Variants in AMZ1 observed in about 807,000 individuals in gnomAD.
AMZ1 encodes archaelysin family metallopeptidase 1, also known as archaemetzincin-1.
AMZ1 carries 39 observed loss-of-function variants against 29.9 expected under a neutral mutation model. The observed-to-expected ratio is 1.30, with a 90% confidence interval of 1.01 to 1.70. The LOEUF (loss-of-function observed/expected upper bound fraction) is 1.70, where lower values mean the gene tolerates loss of function less well. Among genes scored for constraint, AMZ1 ranks in the 40% most tolerant of loss-of-function variants. The pLI is 0.00. For synonymous variants in AMZ1, 458 were observed against 304.0 expected (o/e 1.51, Z -5.27); for missense variants, 1,041 against 680.6 (o/e 1.53, Z -5.89).
intron 5 of AMZ1, among the ~76,000 whole-genome samples, 186 bp from the exon 6 acceptor site, chr7:2,709,454 C>T (rs1247672872): frequency 1.8e-5 from 2 of 111,092 alleles, no homozygotes; most frequent in Non-Finnish European, 2.1e-5. Context: ...CCCACCCTGA[C>T]TCACCTTTCC....
At position 2,708,501 on chromosome 7, in the gene AMZ1, A is replaced by G. The variant is rs185659869; in HGVS notation, c.473-87A>G. The G allele has an allele frequency of 5.1e-5, 81 of 1,573,738 alleles. No homozygotes were observed. The African/African-American group carries it at 1.0e-3, about 20-fold the overall frequency. On this transcript the variant is annotated intron_variant, in intron 3 of 6. Transcript: ENST00000683327. ...GGAAGGGGCAGGGCCCAGGCAGAGG[A>G]AGAGGATGACGGGGTGCCAGCCTGA...
chr7:2,743,387 G>A (rs1399743694), intron 4 of AMZ1, among the ~76,000 whole-genome samples: 1 of 152,104 alleles, frequency 6.6e-6, no homozygotes, highest in Non-Finnish European at 1.5e-5. Flanking sequence ...TCAAAATATG[G>A]AAGATATTCA....
At chr7:2,679,616 T>C (rs1417238981) in exon 1 of AMZ1, 1 of 152,348 alleles carries the variant, frequency 6.6e-6, no homozygotes, top group South Asian at 2.1e-4. Context: ...CCGGCAGAGG[T>C]GGCCACTGCC....
chr7:2,721,233 G>T (rs894716303), downstream of AMZ1, among the ~76,000 whole-genome samples: 17 of 152,340 alleles, frequency 1.1e-4, no homozygotes, highest in African/African-American at 4.1e-4. Flanking sequence ...TGGAAGCACA[G>T]GGACTAAGGC....
At position 2,717,655 on chromosome 7, in the gene AMZ1, T is replaced by C. The variant is rs975915023; in HGVS notation, c.*4777T>C. 2.6e-5 allele frequency among the ~76,000 whole-genome samples: 4 copies of C among 152,206 alleles called. No homozygotes were observed. Among genetic ancestry groups the C allele is most frequent in the Non-Finnish European group, 5.9e-5 (4 of 68,036 alleles). On this transcript the variant is annotated 3_prime_UTR_variant, in exon 7 of 7. Coordinates refer to ENST00000683327, the MANE Select transcript of AMZ1 (RefSeq NM_001384743.1). ...GGGTAATCTAGGAAACACTTCCGGC[T>C]TGACTGTAAAGAGCCCTGGCCTGCG...
intron 2 of AMZ1, among the ~76,000 whole-genome samples, 154 bp downstream of exon 2, chr7:2,700,909 T>G (rs962426658): frequency 6.6e-6 from 1 of 152,186 alleles, no homozygotes; most frequent in Non-Finnish European, 1.5e-5. Flanking sequence ...AGGGAGGTCC[T>G]GGCTGGGCCA....
At chr7:2,734,652 G>C (rs759871817) in intron 4 of AMZ1, among the ~76,000 whole-genome samples, 1 of 152,228 alleles carries the variant, frequency 6.6e-6, no homozygotes, top group Non-Finnish European at 1.5e-5. Context: ...AAGCAGAGAG[G>C]AAGCTCCTTC....
At chr7:2,719,683 A>AT (rs11426798), downstream of AMZ1, among the ~76,000 whole-genome samples, 68,595 of 147,256 alleles carry the variant, frequency 0.47, 16,315 homozygotes, top group African/African-American at 0.58. Context: ...ATCAACCCCA[A>AT]TTTTTTTTTT....
At chr7:2,730,856 CTCAA>C (rs1324232977) in intron 4 of AMZ1, 1 of 267,706 alleles carries the variant, frequency 3.7e-6, no homozygotes, top group African/African-American at 3.2e-5. Context: ...CAACACGGTC[CTCAA>C]TTAAACTGCG....
At position 2,719,040 on chromosome 7, in the gene AMZ1, T is replaced by C. The variant is rs1290185992; in HGVS notation, c.*6162T>C. 1.4e-5 allele frequency among the ~76,000 whole-genome samples: 2 copies of C among 141,572 alleles called. No homozygotes were observed. Among genetic ancestry groups the C allele is most frequent in the East Asian group, 4.1e-4 (2 of 4,850 alleles). 92.9% of individuals were successfully genotyped at this position (141,572 alleles called of 152,430 possible). On this transcript the variant is annotated 3_prime_UTR_variant, in exon 7 of 7. Transcript: ENST00000683327. ...TTTTTTTTTTCCCCCCCATCTGAAG[T>C]GAGATCAAACTTCTACCACATTCTA... is the stretch of plus-strand genomic sequence containing the variant.
At chr7:2,743,158 G>A (rs1790595097) in intron 4 of AMZ1, among the ~76,000 whole-genome samples, 1 of 152,180 alleles carries the variant, frequency 6.6e-6, no homozygotes. Flanking sequence ...CTTTGCCTAA[G>A]AGCCTGGCTG....
In AMZ1 at chr7:2,731,467, A is replaced by T. The variant is rs191664263; in HGVS notation, n.550+21651A>T. The T allele has an allele frequency of 6.2e-7, 1 of 1,613,878 alleles. No individual in the cohort carries two copies. Among genetic ancestry groups the T allele is most frequent in the Admixed American group, 1.7e-5 (1 of 60,008 alleles). On this transcript the variant is annotated intron_variant and non_coding_transcript_variant, in intron 4 of 4. Coordinates refer to the AMZ1 transcript ENST00000489665. This position sits in a 1 kb window ranked among gnomAD's most constrained non-coding sequence, Gnocchi z 6.0. Reference sequence around the variant, plus strand: ...GAGGAAGAGAATGATGGAGACGTTGAAGAAGAGCTTGTTGTTGACGATGGT... The same window carrying T: ...GAGGAAGAGAATGATGGAGACGTTGTAGAAGAGCTTGTTGTTGACGATGGT...
intron 1 of AMZ1, among the ~76,000 whole-genome samples, chr7:2,694,329 C>G (rs1016346271): frequency 6.6e-5 from 10 of 152,204 alleles, no homozygotes; most frequent in African/African-American, 2.4e-4. Flanking sequence ...ATCGGCTGCC[C>G]TGGTTCTCAG....
At chr7:2,748,644 G>A (rs1790880956) in intron 4 of AMZ1, among the ~76,000 whole-genome samples, 1 of 152,142 alleles carries the variant, frequency 6.6e-6, no homozygotes, top group Non-Finnish European at 1.5e-5. Context: ...GGCAACAAAA[G>A]CCAAAATTGA....
At chr7:2,749,945 A>C (rs1790948359) in intron 4 of AMZ1, among the ~76,000 whole-genome samples, 1 of 152,210 alleles carries the variant, frequency 6.6e-6, no homozygotes, top group Non-Finnish European at 1.5e-5. Context: ...AGTAGTTGGA[A>C]TCTCACAGAA....
At chr7:2,694,949 A>G (rs1249825132) in intron 1 of AMZ1, among the ~76,000 whole-genome samples, 2 of 152,196 alleles carry the variant, frequency 1.3e-5, no homozygotes, top group African/African-American at 4.8e-5. Context: ...CTGGGATTCC[A>G]GGCGTGAGCC....
chr7:2,700,758 A>G lies in AMZ1; in HGVS notation c.304+3A>G, dbSNP rs754712229. On this transcript the variant is annotated splice_donor_region_variant and intron_variant, in intron 2 of 6. Coordinates refer to ENST00000683327, the MANE Select transcript of AMZ1 (RefSeq NM_001384743.1). ...GCACATCTACCTACAGCCGATAGGT[A>G]CGGGACGCCTGCAGCCATCGGCACG... 3 of 1,609,548 alleles carry G rather than the reference A, an allele frequency of 1.9e-6. No individual in the cohort carries two copies. The Admixed American group carries it at 5.0e-5, about 27-fold the overall frequency.
downstream of AMZ1, among the ~76,000 whole-genome samples, chr7:2,721,672 C>T (rs936300513): frequency 1.3e-5 from 2 of 150,396 alleles, no homozygotes; most frequent in African/African-American, 2.5e-5. Flanking sequence ...GCCGAGATCG[C>T]GACACTGCAC....
intron 4 of AMZ1, among the ~76,000 whole-genome samples, chr7:2,753,564 C>G (rs909125646): frequency 6.6e-6 from 1 of 152,072 alleles, no homozygotes; most frequent in African/African-American, 2.4e-5. Context: ...CTGAACGTGC[C>G]GCAGTTTATT....
Sources: gnomAD v4.1 joint callset for allele counts (sites outside exome capture counted in the v4.1 genomes callset) on GRCh38, gnomAD v4.1.1 for gene constraint, Gnocchi (gnomAD v3.1) non-coding constraint, MANE v1.5 for transcripts, NCBI Gene and HGNC (gene_info 2026-07-23, HGNC 2026-07-21) for gene names.